The following CPZ variants were observed in gnomAD, a reference collection of about 807,000 sequenced individuals.
CPZ encodes the protein carboxypeptidase Z.
CPZ carries 103 observed loss-of-function variants against 61.8 expected under a neutral mutation model. The ratio of observed to expected loss-of-function variants is 1.67; its 90% CI spans 1.42 to 1.96. The LOEUF (loss-of-function observed/expected upper bound fraction) is 1.96. CPZ is among the 30% of genes most tolerant of loss of function. CPZ has a pLI of 0.00. For missense variants in CPZ, 1,461 were observed against 914.9 expected (o/e 1.60, Z -7.70); for synonymous variants, 551 against 373.7 (o/e 1.47, Z -5.47).
Position 8,599,699 on chromosome 4 carries a change from C to T in CPZ, c.121+214C>T, listed in dbSNP as rs557776444. The T allele has an allele frequency of 1.4e-3, 1,861 of 1,289,286 alleles. 4 individuals are homozygous for T. The highest frequency in any genetic ancestry group is 7.3e-3 in the Middle Eastern group (37 of 5,068). 79.9% of individuals were successfully genotyped at this position (1,289,286 alleles called of 1,614,324 possible). ...AGGAAAAGGTGCACCAGCTTCCCACCGGGCTATGCCCACCCCAGCCCCTGC... is the reference window on the plus strand; with the variant it reads ...AGGAAAAGGTGCACCAGCTTCCCACTGGGCTATGCCCACCCCAGCCCCTGC... On this transcript the variant is annotated intron_variant, in intron 2 of 10. Coordinates refer to ENST00000360986, the MANE Select transcript of CPZ (RefSeq NM_001014447.3).
chr4:8,599,519 G>C (rs1355602495), intron 2 of CPZ, 34 bp downstream of exon 2: 5 of 1,612,328 alleles, frequency 3.1e-6, no homozygotes, highest in Non-Finnish European at 4.2e-6. Flanking sequence ...CTTCTGTTCT[G>C]TAGGAGGGCT....
In CPZ at chr4:8,594,012, C is replaced by A. The variant is rs115099625; in HGVS notation, c.88+1091C>A. Among the ~76,000 whole-genome samples, 1,266 of 152,244 alleles carry A rather than the reference C, an allele frequency of 8.3e-3. 21 individuals carry two copies. The highest frequency in any genetic ancestry group is 0.029 in the African/African-American group (1,211 of 41,536). On this transcript the variant is annotated intron_variant, in intron 1 of 10. Transcript: ENST00000360986. ...TCATAGGCTTGTTGGAGACCACAGC[C>A]CCCTCCTCCAGGAAGCTCTCCTGAC...
intron 9 of CPZ, among the ~76,000 whole-genome samples, chr4:8,615,398 C>T (rs572667191): frequency 6.6e-6 from 1 of 152,264 alleles, no homozygotes; most frequent in African/African-American, 2.4e-5. Context: ...AGCCTGCGTT[C>T]GAAGAAGCTT....
At chr4:8,617,663 C>T (rs1716294691) in intron 9 of CPZ, among the ~76,000 whole-genome samples, 1 of 152,236 alleles carries the variant, frequency 6.6e-6, no homozygotes, top group African/African-American at 2.4e-5. Flanking sequence ...GAGCCCCGTG[C>T]AGGGCCCGGG....
At chr4:8,606,334 C>T (rs1234499305) in intron 5 of CPZ, 149 bp downstream of exon 5, 2 of 775,638 alleles carry the variant, frequency 2.6e-6, no homozygotes, top group East Asian at 2.7e-5. Flanking sequence ...CAAACCCCTG[C>T]TTCAGGGGCT....
At chr4:8,616,493 C>T (rs920628427) in intron 9 of CPZ, among the ~76,000 whole-genome samples, 1 of 152,186 alleles carries the variant, frequency 6.6e-6, no homozygotes, top group African/African-American at 2.4e-5. Context: ...CCAGGGCTGG[C>T]AGAGAGGAAG....
In CPZ at chr4:8,603,980, C is replaced by G; in HGVS notation, c.501C>G (p.Gly167=). Residue 167 remains glycine (G), a synonymous_variant, in exon 4 of 11, where the codon GGC becomes GGG. Coordinates refer to ENST00000360986, the MANE Select transcript of CPZ (RefSeq NM_001014447.3). ...GCCCCCCCACTGCTCCCCCAGGAGG[C>G]CTGGAGGCTGACGAGGCACTGCCCT... is the stretch of plus-strand genomic sequence containing the variant. ...CYDPLEKLRG[G]LEADEALPSG... is the part of the protein sequence containing the mutation. 6.2e-7 allele frequency: 1 copy of G among 1,612,024 alleles called. No homozygotes were observed. The highest frequency in any genetic ancestry group is 8.5e-7 in the Non-Finnish European group (1 of 1,179,744).
At chr4:8,598,091 G>A (rs535463230) in intron 1 of CPZ, among the ~76,000 whole-genome samples, 4 of 152,376 alleles carry the variant, frequency 2.6e-5, no homozygotes, top group South Asian at 2.1e-4. Context: ...TTCCACGCCC[G>A]GAGAGCGCTG....
At chr4:8,595,054 G>A (rs1033619076) in intron 1 of CPZ, among the ~76,000 whole-genome samples, 13 of 152,232 alleles carry the variant, frequency 8.5e-5, no homozygotes, top group Non-Finnish European at 1.5e-4. Context: ...TTACAGGCGT[G>A]AGCCACCACG....
At chr4:8,609,430 T>C (rs1429322200) in intron 7 of CPZ, among the ~76,000 whole-genome samples, 2 of 142,048 alleles carry the variant, frequency 1.4e-5, no homozygotes, top group East Asian at 1.9e-4. Context: ...CCCTCACTCA[T>C]TCATTCATTG....
At chr4:8,602,620 C>T (rs937895319) in intron 3 of CPZ, 1 of 152,328 alleles carries the variant, frequency 6.6e-6, no homozygotes, top group Non-Finnish European at 1.5e-5. Flanking sequence ...GGAAGGGTGA[C>T]AGCAGTGGGG....
At chr4:8,608,808 C>T (rs771533430) in intron 7 of CPZ, among the ~76,000 whole-genome samples, 8 of 152,142 alleles carry the variant, frequency 5.3e-5, no homozygotes, top group Non-Finnish European at 1.2e-4. Flanking sequence ...ACTGGAGGCA[C>T]AGGCCACCTG....
rs771315930 is a variant in CPZ, at chr4:8,612,076, T to C, written c.1277T>C (p.Met426Thr). Residue 426 changes from methionine (M) to threonine (T), a missense_variant, in exon 8 of 11, where the codon ATG becomes ACG. Transcript: ENST00000360986. Reference protein sequence around the residue: ...RAYADVHPMMMDRSENRCGGN... With the variant: ...RAYADVHPMMTDRSENRCGGN... ...TACGCTGACGTCCACCCCATGATGA[T>C]GGACAGGTCGGAGAATAGGTGTGGA... is the stretch of plus-strand genomic sequence containing the variant. The C allele has an allele frequency of 1.5e-5, 25 of 1,613,226 alleles. No homozygotes were observed. Among genetic ancestry groups the C allele is most frequent in the Non-Finnish European group, 2.1e-5 (25 of 1,179,862 alleles).
intron 9 of CPZ, among the ~76,000 whole-genome samples, chr4:8,614,781 T>C (rs990728418): frequency 2.0e-5 from 3 of 152,076 alleles, no homozygotes; most frequent in Non-Finnish European, 4.4e-5. Flanking sequence ...CAAGGGAGCA[T>C]GGGCCTGGGC....
At chr4:8,614,211 C>G (rs1488478501) in intron 8 of CPZ, 148 bp from the exon 9 acceptor site, 1 of 1,058,440 alleles carries the variant, frequency 9.4e-7, no homozygotes, top group Non-Finnish European at 1.3e-6. Context: ...GCCTGCTGGG[C>G]ACTTGGCTGA....
Position 8,605,997 on chromosome 4 carries a change from G to A in CPZ, c.718G>A (p.Glu240Lys), listed in dbSNP as rs751651131. The A allele has an allele frequency of 5.6e-6, 9 of 1,612,396 alleles. No homozygotes were observed. The highest frequency in any genetic ancestry group is 3.3e-5 in the South Asian group (3 of 91,054). ...TCTGTATTTGCCCCCAGTGGAGCCCGAGGTGAAGCTCATCGGCAACATTCA... is the reference window on the plus strand; with the variant it reads ...TCTGTATTTGCCCCCAGTGGAGCCCAAGGTGAAGCTCATCGGCAACATTCA... ...RPGQHELMEPEVKLIGNIHGN... is the reference protein window; with the variant it reads ...RPGQHELMEPKVKLIGNIHGN... The change falls in exon 5 of 11, where the codon GAG (glutamate) becomes AAG (lysine). Residue 240 changes from glutamate (E) to lysine (K), a missense_variant. Glu to Lys is a moderately conservative substitution (Grantham distance 56, BLOSUM62 1). Coordinates refer to ENST00000360986, the MANE Select transcript of CPZ (RefSeq NM_001014447.3).
At chr4:8,607,046 A>C in intron 6 of CPZ, 148 bp downstream of exon 6, 1 of 1,096,126 alleles carries the variant, frequency 9.1e-7, no homozygotes, top group Non-Finnish European at 1.3e-6. Flanking sequence ...AAATGGGAAC[A>C]CCTCCTTGCT....
intron 1 of CPZ, among the ~76,000 whole-genome samples, chr4:8,593,261 T>A (rs1019126819): frequency 1.3e-5 from 2 of 152,122 alleles, no homozygotes; most frequent in Admixed American, 6.5e-5. Context: ...GCCAGGACTT[T>A]GCAGGGTGAG....
At chr4:8,597,201 G>A (rs1004238746) in intron 1 of CPZ, among the ~76,000 whole-genome samples, 3 of 152,146 alleles carry the variant, frequency 2.0e-5, no homozygotes, top group African/African-American at 7.2e-5. Context: ...TTTGCACACC[G>A]GTGCTCGCTC....
Sources: gnomAD v4.1 joint callset for allele counts (sites outside exome capture counted in the v4.1 genomes callset) on GRCh38, gnomAD v4.1.1 for gene constraint, MANE v1.5 for transcripts, NCBI Gene and HGNC (gene_info 2026-07-23, HGNC 2026-07-21) for gene names.